The following ADK variants were observed in gnomAD, a reference collection of about 807,000 sequenced individuals.
ADK encodes N6,N6-dimethyladenosine kinase.
A neutral mutation model predicts 44.7 loss-of-function variants in ADK; 24 were observed. That is an observed-to-expected ratio of 0.54 (90% CI 0.39 to 0.76). The LOEUF (loss-of-function observed/expected upper bound fraction) is 0.76, where lower values mean the gene tolerates loss of function less well. Ranked by LOEUF, ADK falls within the 30% of genes least tolerant of loss-of-function variation. ADK has a pLI of 0.00. For synonymous variants in ADK, 128 were observed against 142.6 expected (o/e 0.90, Z 0.73); for missense variants, 321 against 425.1 (o/e 0.76, Z 2.15).
chr10:74,174,257 T>C (rs1375473176), intron 1 of ADK, among the ~76,000 whole-genome samples: 4 of 131,418 alleles, frequency 3.0e-5, no homozygotes. Context: ...GAGGTTGCAG[T>C]GAACCGAGAT....
At chr10:74,405,092 C>T (rs550923068) in intron 6 of ADK, among the ~76,000 whole-genome samples, 6 of 152,162 alleles carry the variant, frequency 3.9e-5, no homozygotes, top group East Asian at 1.9e-4. Flanking sequence ...ATTTTGGATA[C>T]CTCCTTTGCT....
At chr10:74,328,703 A>G (rs1435279826) in intron 4 of ADK, among the ~76,000 whole-genome samples, 1 of 152,156 alleles carries the variant, frequency 6.6e-6, no homozygotes, top group Admixed American at 6.6e-5. Flanking sequence ...CACCATGTGA[A>G]GAAGGTCTTT....
intron 9 of ADK, among the ~76,000 whole-genome samples, chr10:74,665,736 TGAGAGA>T (rs59620474): frequency 0.27 from 31,788 of 115,808 alleles, 4,414 homozygotes; most frequent in Non-Finnish European, 0.35. Flanking sequence ...CCTTAGCTCT[TGAGAGA>T]GAGAGAGAGA....
At chr10:74,586,858 A>T (rs2133912101) in intron 7 of ADK, among the ~76,000 whole-genome samples, 1 of 150,464 alleles carries the variant, frequency 6.6e-6, no homozygotes, top group South Asian at 2.1e-4. Flanking sequence ...CTGTCTCAAA[A>T]AAAAAAAAAA....
intron 7 of ADK, among the ~76,000 whole-genome samples, chr10:74,566,076 T>C (rs1020268733): frequency 5.3e-5 from 8 of 152,196 alleles, no homozygotes; most frequent in Non-Finnish European, 1.2e-4. Context: ...AGGATAAATT[T>C]ATAAGCATTT....
At chr10:74,163,397 T>C (rs1361571951) in intron 1 of ADK, among the ~76,000 whole-genome samples, 1 of 152,216 alleles carries the variant, frequency 6.6e-6, no homozygotes, top group Non-Finnish European at 1.5e-5. Context: ...AAGATCCCAG[T>C]GACCTGTTAG....
chr10:74,575,235 T>C (rs1851143509), intron 7 of ADK, among the ~76,000 whole-genome samples: 1 of 152,168 alleles, frequency 6.6e-6, no homozygotes, highest in South Asian at 2.1e-4. Context: ...CTTTGCAGAG[T>C]AGTATGTTAG....
In ADK at chr10:74,172,443, T is replaced by C. The variant is rs1410286829; in HGVS notation, c.65+21100T>C. On this transcript the variant is annotated intron_variant, in intron 1 of 10. Transcript: ENST00000539909. ...CGGTGGCTCACCTGTAATCCCAGCATTTTGGGAGGCCGAGGTGGGCGGATC... is the reference window on the plus strand; with the variant it reads ...CGGTGGCTCACCTGTAATCCCAGCACTTTGGGAGGCCGAGGTGGGCGGATC... Among the ~76,000 whole-genome samples the C allele has an allele frequency of 2.0e-5, 3 of 151,912 alleles. 1 individual carries two copies.
chr10:74,619,300 GA>G (rs2134022192), intron 9 of ADK, among the ~76,000 whole-genome samples: 1 of 152,004 alleles, frequency 6.6e-6, no homozygotes, highest in African/African-American at 2.4e-5. Context: ...ACCAAAAATA[GA>G]AAAATTACCT....
intron 10 of ADK, among the ~76,000 whole-genome samples, chr10:74,686,812 C>G (rs543928986): frequency 2.0e-5 from 3 of 151,726 alleles, no homozygotes; most frequent in South Asian, 2.1e-4. Flanking sequence ...AAGTAGCTGG[C>G]GACTACAGGT....
At chr10:74,522,180 CTG>C (rs1848861703) in intron 6 of ADK, among the ~76,000 whole-genome samples, 2 of 152,222 alleles carry the variant, frequency 1.3e-5, no homozygotes, top group South Asian at 4.1e-4. Context: ...CCAGCAAAAA[CTG>C]TATTTTTATG....
intron 9 of ADK, among the ~76,000 whole-genome samples, chr10:74,623,396 T>TTTAGTAGGATA (rs1853068630): frequency 6.6e-6 from 1 of 152,156 alleles, no homozygotes; most frequent in African/African-American, 2.4e-5. Flanking sequence ...ACCAATAGGC[T>TTTAGTAGGATA]TTAGTAGGAT....
At chr10:74,303,588 GTTTTTT>G (rs1185036462) in intron 3 of ADK, among the ~76,000 whole-genome samples, 38 of 68,574 alleles carry the variant, frequency 5.5e-4, no homozygotes, top group African/African-American at 1.3e-3. Context: ...TTTTAATGTT[GTTTTTT>G]TTTTTTTTTT....
At chr10:74,548,209 G>GT (rs146871616) in intron 7 of ADK, among the ~76,000 whole-genome samples, 1,759 of 149,830 alleles carry the variant, frequency 0.012, 37 homozygotes, top group African/African-American at 0.04. Flanking sequence ...TTTACTGTTT[G>GT]TTTTCTTTTC....
In ADK at chr10:74,478,553, G is replaced by A. The variant is rs578070501; in HGVS notation, c.556-46703G>A. Reference sequence around the variant, plus strand: ...TTAAATGATACTTTGAAGAACCTGAGCACGCACATATATTTCTTCCCTCTT... The same window carrying A: ...TTAAATGATACTTTGAAGAACCTGAACACGCACATATATTTCTTCCCTCTT... On this transcript the variant is annotated intron_variant, in intron 6 of 10. Transcript: ENST00000539909. Among the ~76,000 whole-genome samples, 6 of 152,240 alleles carry A rather than the reference G, an allele frequency of 3.9e-5. No individual in the cohort carries two copies. The East Asian group carries it at 9.7e-4, about 25-fold the overall frequency.
intron 9 of ADK, among the ~76,000 whole-genome samples, chr10:74,649,693 G>A (rs1347286499): frequency 2.6e-5 from 4 of 151,518 alleles, no homozygotes; most frequent in African/African-American, 9.7e-5. Context: ...TAGGCTTCCT[G>A]CTAAGTTTCA....
At chr10:74,237,480 C>T (rs1328695959) in intron 3 of ADK, among the ~76,000 whole-genome samples, 1 of 152,164 alleles carries the variant, frequency 6.6e-6, no homozygotes, top group Non-Finnish European at 1.5e-5. Context: ...GGCTGGAATT[C>T]ACTTCTTCCA....
chr10:74,211,175 G>A (rs764253433), intron 2 of ADK, among the ~76,000 whole-genome samples: 8 of 152,104 alleles, frequency 5.3e-5, no homozygotes, highest in African/African-American at 7.2e-5. Flanking sequence ...GTGAGCTACC[G>A]TGCCCGGTCT....
intron 7 of ADK, among the ~76,000 whole-genome samples, chr10:74,575,220 C>T (rs1450002399): frequency 6.6e-6 from 1 of 152,092 alleles, no homozygotes; most frequent in East Asian, 1.9e-4. Context: ...GATTTATTAT[C>T]TATTCTTTGC....
Sources: gnomAD v4.1 joint callset for allele counts (sites outside exome capture counted in the v4.1 genomes callset) on GRCh38, gnomAD v4.1.1 for gene constraint, MANE v1.5 for transcripts, NCBI Gene and HGNC (gene_info 2026-07-23, HGNC 2026-07-21) for gene names.